Variants in LRMDA observed in about 807,000 individuals in gnomAD.
LRMDA encodes the protein leucine rich melanocyte differentiation associated, also known as leucine-rich melanocyte differentiation-associated protein.
LRMDA carries 18 observed loss-of-function variants against 29.8 expected under a neutral mutation model. That is an observed-to-expected ratio of 0.60 (90% CI 0.42 to 0.90). The LOEUF is 0.90. Among genes scored for constraint, LRMDA ranks in the 40% least tolerant of loss-of-function variants. LRMDA has a pLI of 0.00. For missense variants in LRMDA, 273 were observed against 273.9 expected (o/e 1.00, Z 0.02); for synonymous variants, 125 against 109.4 (o/e 1.14, Z -0.89).
intron 2 of LRMDA, among the ~76,000 whole-genome samples, chr10:75,799,350 A>G (rs1241289723): frequency 1.3e-5 from 2 of 152,166 alleles, no homozygotes; most frequent in East Asian, 3.8e-4. Context: ...TACTTTGTCC[A>G]ATATCAGTGT....
chr10:76,275,250 C>T (rs1009891192), intron 5 of LRMDA, among the ~76,000 whole-genome samples: 1 of 151,844 alleles, frequency 6.6e-6, no homozygotes, highest in Non-Finnish European at 1.5e-5. Context: ...ACTTTTCTTC[C>T]TTGTAGGAGA....
intron 2 of LRMDA, among the ~76,000 whole-genome samples, chr10:75,564,105 C>T (rs1447637286): frequency 6.6e-6 from 1 of 152,202 alleles, no homozygotes; most frequent in African/African-American, 2.4e-5. Context: ...TTACTGCTGT[C>T]TTTTTGTTTG....
At chr10:75,692,577 G>A (rs1207782278) in intron 2 of LRMDA, among the ~76,000 whole-genome samples, 2 of 104,388 alleles carry the variant, frequency 1.9e-5, no homozygotes, top group Non-Finnish European at 3.9e-5. Flanking sequence ...GTGTGTGTGT[G>A]TGTGTGTGTG....
intron 2 of LRMDA, among the ~76,000 whole-genome samples, chr10:75,766,670 T>G (rs1486234933): frequency 1.3e-5 from 2 of 152,194 alleles, no homozygotes; most frequent in Non-Finnish European, 2.9e-5. Context: ...ATACATGTGC[T>G]GAATGTGCAG....
chr10:75,497,457 C>T (rs1373375855), intron 2 of LRMDA, among the ~76,000 whole-genome samples: 5 of 151,560 alleles, frequency 3.3e-5, no homozygotes, highest in South Asian at 2.1e-4. Flanking sequence ...TTCTAGAGTT[C>T]GATATTTTTT....
chr10:75,794,221 T>G (rs1843615190), intron 2 of LRMDA, among the ~76,000 whole-genome samples: 1 of 152,260 alleles, frequency 6.6e-6, no homozygotes, highest in Non-Finnish European at 1.5e-5. Flanking sequence ...TGTGTGTTAT[T>G]CAATGATGTT....
chr10:75,892,415 G>A (rs1335160947), intron 2 of LRMDA, among the ~76,000 whole-genome samples: 4 of 152,130 alleles, frequency 2.6e-5, no homozygotes, highest in Non-Finnish European at 4.4e-5. Flanking sequence ...CAGGATGGAT[G>A]AGATATTCCA....
chr10:76,502,224 T>C (rs1842917581), intron 6 of LRMDA, among the ~76,000 whole-genome samples: 1 of 152,080 alleles, frequency 6.6e-6, no homozygotes, highest in East Asian at 1.9e-4. Context: ...TCTATGTGTA[T>C]GTTTTCATAC....
At chr10:75,444,617 C>T (rs1381139607) in intron 2 of LRMDA, among the ~76,000 whole-genome samples, 3 of 152,000 alleles carry the variant, frequency 2.0e-5, no homozygotes, top group Admixed American at 6.6e-5. Context: ...ACATTTTGTC[C>T]CTTGAAATTG....
At chr10:75,988,898 C>T (rs1198338949) in intron 2 of LRMDA, among the ~76,000 whole-genome samples, 1 of 152,158 alleles carries the variant, frequency 6.6e-6, no homozygotes, top group Non-Finnish European at 1.5e-5. Context: ...ATTTCTATTT[C>T]AGTATCTCTT....
At chr10:76,486,622 CTG>C in intron 6 of LRMDA, among the ~76,000 whole-genome samples, 1 of 151,956 alleles carries the variant, frequency 6.6e-6, no homozygotes, top group East Asian at 1.9e-4. Context: ...TTACTCTACA[CTG>C]TCACACAGTG....
chr10:75,897,830 T>C (rs1321665323), intron 2 of LRMDA, among the ~76,000 whole-genome samples: 1 of 142,864 alleles, frequency 7.0e-6, no homozygotes, highest in East Asian at 2.0e-4. Context: ...TTTTTTTTTT[T>C]TTTTTTTTTT....
chr10:75,600,707 T>G (rs1840873173), intron 2 of LRMDA, among the ~76,000 whole-genome samples: 1 of 152,200 alleles, frequency 6.6e-6, no homozygotes, highest in Non-Finnish European at 1.5e-5. Flanking sequence ...GCCATGCATG[T>G]GACCACCTAT....
chr10:76,048,792 A>AT (rs946788419), intron 4 of LRMDA, among the ~76,000 whole-genome samples: 14 of 152,098 alleles, frequency 9.2e-5, no homozygotes, highest in Admixed American at 8.5e-4. Context: ...TATCTTGTGT[A>AT]TTTTTTCTCA....
intron 5 of LRMDA, among the ~76,000 whole-genome samples, chr10:76,320,767 T>C (rs1485018592): frequency 6.6e-6 from 1 of 152,228 alleles, no homozygotes; most frequent in Non-Finnish European, 1.5e-5. Context: ...GAACATCATA[T>C]ATACAGCTGA....
At chr10:76,452,635 G>A (rs1907354) in intron 6 of LRMDA, among the ~76,000 whole-genome samples, 37,935 of 152,120 alleles carry the variant, frequency 0.25, 5,539 homozygotes, top group Non-Finnish European at 0.34. Context: ...AAAATGGAAA[G>A]CAGTGTCCAG....
rs139335226 is a variant in LRMDA at position 76,196,353 on chromosome 10, G to C, written c.517-128048G>C. On this transcript the variant is annotated intron_variant, in intron 5 of 6. Coordinates refer to ENST00000611255, the MANE Select transcript of LRMDA (RefSeq NM_001305581.2). ...GGACCTGGTGTGCCCTGCACAATTA[G>C]AAGCTCTCAGAGAGCAGGGACTCCA... Among the ~76,000 whole-genome samples, 569 of 152,334 alleles carry C rather than the reference G, an allele frequency of 3.7e-3. 4 individuals are homozygous for C. The highest frequency in any genetic ancestry group is 0.026 in the East Asian group (133 of 5,178).
At chr10:75,964,144 G>A (rs533111822) in intron 2 of LRMDA, among the ~76,000 whole-genome samples, 1 of 152,276 alleles carries the variant, frequency 6.6e-6, no homozygotes, top group Admixed American at 6.5e-5. Context: ...GAGAAGGAAT[G>A]CGTTACAAAT....
At chr10:75,934,550 C>A (rs891298601) in intron 2 of LRMDA, among the ~76,000 whole-genome samples, 1 of 152,062 alleles carries the variant, frequency 6.6e-6, no homozygotes, top group Non-Finnish European at 1.5e-5. Flanking sequence ...AGAGTGTGTG[C>A]CAGTGCCAGA....
Sources: gnomAD v4.1 joint callset for allele counts (sites outside exome capture counted in the v4.1 genomes callset) on GRCh38, gnomAD v4.1.1 for gene constraint, MANE v1.5 for transcripts, NCBI Gene and HGNC (gene_info 2026-07-23, HGNC 2026-07-21) for gene names.